The following LRP5 variants were observed in gnomAD, a reference collection of about 807,000 sequenced individuals.
LRP5 encodes the protein low-density lipoprotein receptor-related protein 5.
In LRP5, 62 loss-of-function variants were observed where a neutral mutation model predicts 154.1. That is an observed-to-expected ratio of 0.40 (90% CI 0.33 to 0.50). The LOEUF (loss-of-function observed/expected upper bound fraction) is 0.50. Ranked by LOEUF, LRP5 falls within the 20% of genes least tolerant of loss-of-function variation. The probability of loss-of-function intolerance (pLI) is 0.55; values close to 1 mark genes in which losing one functional copy is unlikely to be tolerated. For synonymous variants in LRP5, 966 were observed against 1,011.5 expected (o/e 0.96, Z 0.85); for missense variants, 1,915 against 2,336.7 (o/e 0.82, Z 3.72).
At chr11:68,416,877 G>A (rs2098662836) in intron 13 of LRP5, among the ~76,000 whole-genome samples, 1 of 152,190 alleles carries the variant, frequency 6.6e-6, no homozygotes, top group Non-Finnish European at 1.5e-5. Flanking sequence ...GAACTGTACA[G>A]TCATTTCTGC....
chr11:68,348,141 C>T lies in LRP5; in HGVS notation c.386C>T (p.Thr129Ile). The change falls in exon 2 of 23, where the codon ACC (threonine) becomes ATC (isoleucine). Residue 129 changes from threonine (T) to isoleucine (I), a missense_variant. Physicochemically the swap from Thr to Ile is moderately conservative, Grantham distance 89. This residue lies in a region of LRP5 where 773 missense variants were observed against 1,100.9 expected (regional missense o/e 0.70). Coordinates refer to ENST00000294304, the MANE Select transcript of LRP5 (RefSeq NM_002335.4). ...GKKLYWTDSE[T>I]NRIEVANLNG... is the part of the protein sequence containing the mutation. ...AAGCTGTACTGGACGGACTCAGAGA[C>T]CAACCGCATCGAGGTGGCCAACCTC... The T allele has an allele frequency of 6.2e-7, 1 of 1,614,064 alleles. No homozygotes were observed. The highest frequency in any genetic ancestry group is 1.1e-5 in the South Asian group (1 of 91,084).
intron 3 of LRP5, among the ~76,000 whole-genome samples, chr11:68,362,155 TC>T (rs2098628448): frequency 6.6e-6 from 1 of 152,108 alleles, no homozygotes; most frequent in African/African-American, 2.4e-5. Context: ...TGGTGCCAAG[TC>T]AAAGAAGACA....
intron 9 of LRP5, 62 bp from the exon 10 acceptor site, chr11:68,409,850 CAA>C (rs371789773): frequency 7.9e-3 from 8,636 of 1,094,552 alleles, no homozygotes; most frequent in Non-Finnish European, 9.4e-3. Context: ...AACTCCGTCT[CAA>C]AAAAAAAAAA....
chr11:68,410,134 C>T lies in LRP5; in HGVS notation c.2312C>T (p.Thr771Ile). The T allele has an allele frequency of 6.2e-7, 1 of 1,613,466 alleles. No homozygotes were observed. Among genetic ancestry groups the T allele is most frequent in the Non-Finnish European group, 8.5e-7 (1 of 1,179,800 alleles). The part of the protein sequence containing the change: ...DNPRSLALDP[T>I]KGYIYWTEWG... ...CCGAGGTCGCTGGCCCTGGATCCCA[C>T]CAAGGGGTAAGTGTTTGCCTGTCCC... The change falls in exon 10 of 23, where the codon ACC (threonine) becomes ATC (isoleucine). Residue 771 changes from threonine (T) to isoleucine (I), a missense_variant. Transcript: ENST00000294304.
intron 9 of LRP5, among the ~76,000 whole-genome samples, chr11:68,408,947 G>T (rs2098657289): frequency 6.7e-6 from 1 of 149,646 alleles, no homozygotes; most frequent in Non-Finnish European, 1.5e-5. Flanking sequence ...CACCAAGGAG[G>T]CTGAGTTGGG....
intron 20 of LRP5, 124 bp downstream of exon 20, chr11:68,438,806 G>A (rs375661919): frequency 9.1e-5 from 74 of 810,934 alleles, no homozygotes; most frequent in Middle Eastern, 3.4e-4. Flanking sequence ...ATTGCTAATC[G>A]ATCACAGCAT....
chr11:68,386,520 C>T lies in LRP5; in HGVS notation c.1220C>T (p.Ala407Val), dbSNP rs369125661. 48 of 1,613,646 alleles carry T rather than the reference C, an allele frequency of 3.0e-5. No individual in the cohort carries two copies. Among genetic ancestry groups the T allele is most frequent in the East Asian group, 1.3e-4 (6 of 44,868 alleles). The part of the protein sequence containing the change: ...IRRAYLDGSG[A>V]QTLVNTEIND... ...AGGGCGTACCTGGACGGGTCTGGGG[C>T]GCAGACGCTGGTCAACACCGAGATC... Residue 407 changes from alanine (A) to valine (V), a missense_variant, in exon 6 of 23, where the codon GCG becomes GTG. Coordinates refer to ENST00000294304, the MANE Select transcript of LRP5 (RefSeq NM_002335.4). This position sits in a 1 kb window ranked among gnomAD's most constrained non-coding sequence, Gnocchi z 7.9.
intron 1 of LRP5, among the ~76,000 whole-genome samples, chr11:68,314,584 C>T (rs1214046646): frequency 1.3e-5 from 2 of 152,234 alleles, no homozygotes; most frequent in Admixed American, 6.5e-5. Context: ...CAATTGGAAG[C>T]TGTGAACGCA....
chr11:68,440,272 G>A (rs369746587), intron 21 of LRP5, among the ~76,000 whole-genome samples: 6 of 152,152 alleles, frequency 3.9e-5, no homozygotes, highest in East Asian at 1.9e-4. Context: ...CTCCCCACAG[G>A]GTTCCCTCCA....
intron 21 of LRP5, among the ~76,000 whole-genome samples, chr11:68,445,335 A>C (rs1395391388): frequency 1.3e-5 from 2 of 152,078 alleles, no homozygotes. Flanking sequence ...CCTGACCTCA[A>C]GTGATCCGCC....
At chr11:68,299,585 CTTT>C in the LRP5 span, among the ~76,000 whole-genome samples, 5 of 115,044 alleles carry the variant, frequency 4.3e-5, no homozygotes, top group Non-Finnish European at 3.7e-5. Flanking sequence ...AAGGGCCAGT[CTTT>C]TTTTTTTTTT....
At chr11:68,430,694 A>G (rs896374971) in intron 17 of LRP5, among the ~76,000 whole-genome samples, 1 of 152,090 alleles carries the variant, frequency 6.6e-6, no homozygotes, top group African/African-American at 2.4e-5. Context: ...TCCAACTCTA[A>G]TGGTGGATTT....
At chr11:68,416,574 C>T in intron 13 of LRP5, 47 bp downstream of exon 13, 1 of 1,581,980 alleles carries the variant, frequency 6.3e-7, no homozygotes, top group East Asian at 2.3e-5. Flanking sequence ...CCAAGGCGCT[C>T]CTCTTGCTGG....
chr11:68,321,058 GTT>G (rs36049256), intron 1 of LRP5, among the ~76,000 whole-genome samples: 1,579 of 119,704 alleles, frequency 0.013, 8 homozygotes, highest in African/African-American at 0.038. Flanking sequence ...TTCTGTCTGG[GTT>G]TTTTTTTTTT....
At chr11:68,355,940 C>T (rs1326723722) in intron 2 of LRP5, among the ~76,000 whole-genome samples, 5 of 151,794 alleles carry the variant, frequency 3.3e-5, no homozygotes, top group African/African-American at 7.3e-5. Context: ...CCCGGGTTCA[C>T]GCCATTCTCC....
At chr11:68,414,475 G>T (rs1397490833) in intron 12 of LRP5, among the ~76,000 whole-genome samples, 1 of 152,162 alleles carries the variant, frequency 6.6e-6, no homozygotes, top group Non-Finnish European at 1.5e-5. Flanking sequence ...ACTGTGGCAG[G>T]CTGGCTCAAG....
At chr11:68,429,454 G>C (rs2098670737) in intron 16 of LRP5, 121 bp from the exon 17 acceptor site, 4 of 1,234,678 alleles carry the variant, frequency 3.2e-6, no homozygotes, top group African/African-American at 1.5e-5. Context: ...TCCTCCCAGA[G>C]AGGCCGGGCC....
At position 68,412,089 on chromosome 11, in the gene LRP5, G is replaced by A. The variant is rs182097359; in HGVS notation, c.2503+469G>A. 3.9e-5 allele frequency among the ~76,000 whole-genome samples: 6 copies of A among 152,264 alleles called. No individual in the cohort carries two copies. In the East Asian group the frequency reaches 9.7e-4, roughly 25 times the overall value. On this transcript the variant is annotated intron_variant, in intron 11 of 22. Coordinates refer to ENST00000294304, the MANE Select transcript of LRP5 (RefSeq NM_002335.4). ...GGGATTGTGCTGGGAGTGTCCACAC[G>A]CCCGGGACCCCAGGGCTGGTGCTCT...
chr11:68,355,049 G>A (rs1483750842), intron 2 of LRP5, among the ~76,000 whole-genome samples: 3 of 152,190 alleles, frequency 2.0e-5, no homozygotes, highest in Non-Finnish European at 4.4e-5. Flanking sequence ...CAGCCCCTCT[G>A]GAAGGTGGAG....
Sources: gnomAD v4.1 joint callset for allele counts (sites outside exome capture counted in the v4.1 genomes callset) on GRCh38, gnomAD v4.1.1 for gene constraint, gnomAD v4.1.1 regional missense constraint, Gnocchi (gnomAD v3.1) non-coding constraint, MANE v1.5 for transcripts, NCBI Gene and HGNC (gene_info 2026-07-23, HGNC 2026-07-21) for gene names.